GALNT9: variants seen among roughly 807,000 people sequenced by gnomAD.
The protein encoded by GALNT9 is polypeptide N-acetylgalactosaminyltransferase 9.
GALNT9 carries 47 observed loss-of-function variants against 63.1 expected under a neutral mutation model. The observed-to-expected ratio is 0.75, with a 90% CI of 0.59 to 0.95. The LOEUF (loss-of-function observed/expected upper bound fraction) is 0.95. Among genes scored for constraint, GALNT9 ranks in the 40% least tolerant of loss-of-function variants. GALNT9 has a pLI of 0.00. For missense variants in GALNT9, 829 were observed against 874.8 expected, an observed-to-expected ratio of 0.95 and a Z score of 0.66; for synonymous variants, 396 against 365.7, an observed-to-expected ratio of 1.08 and a Z score of -0.94.
chr12:132,223,135 CCA>C (rs1167262466), intron 6 of GALNT9, among the ~76,000 whole-genome samples: 39 of 92,294 alleles, frequency 4.2e-4, no homozygotes, highest in Non-Finnish European at 6.7e-4. Flanking sequence ...CACACACACC[CCA>C]CACACACACC....
chr12:132,248,817 G>A (rs1239610639), intron 5 of GALNT9, among the ~76,000 whole-genome samples: 1 of 152,218 alleles, frequency 6.6e-6, no homozygotes, highest in Non-Finnish European at 1.5e-5. Context: ...TGGTATGCTA[G>A]TTATATTTTT....
At chr12:132,257,937 TGAG>T in intron 4 of GALNT9, 51 bp from the exon 5 acceptor site, 1 of 1,296,402 alleles carries the variant, frequency 7.7e-7, no homozygotes, top group Non-Finnish European at 1.1e-6. Flanking sequence ...CCGCATTCCC[TGAG>T]GAGGGTCCAC....
At chr12:132,311,224 C>G (rs1555245143) in intron 1 of GALNT9, among the ~76,000 whole-genome samples, 1 of 152,156 alleles carries the variant, frequency 6.6e-6, no homozygotes, top group East Asian at 1.9e-4. Flanking sequence ...AATACTGTGA[C>G]TTTGACATTT....
At chr12:132,270,014 T>C (rs1249433344) in intron 2 of GALNT9, among the ~76,000 whole-genome samples, 2 of 152,252 alleles carry the variant, frequency 1.3e-5, no homozygotes, top group African/African-American at 2.4e-5. Context: ...AGCCACGCTC[T>C]GGAAGAAACT....
chr12:132,201,110 G>A lies in GALNT9; in HGVS notation c.1401+14C>T, dbSNP rs549406119. The A allele has an allele frequency of 1.4e-5, 23 of 1,610,510 alleles. No individual in the cohort carries two copies. The highest frequency in any genetic ancestry group is 4.0e-5 in the African/African-American group (3 of 74,818). On this transcript the variant is annotated intron_variant, in intron 8 of 10. Coordinates refer to ENST00000328957, the MANE Select transcript of GALNT9 (RefSeq NM_001122636.2). Reference sequence around the variant, plus strand: ...GCCTGTCGGGCCGAACGGGGCCCTCGGGGGAGGTGCTACCTCTCCGTACGT... The same window carrying A: ...GCCTGTCGGGCCGAACGGGGCCCTCAGGGGAGGTGCTACCTCTCCGTACGT...
At chr12:132,324,519 A>T (rs1555246375) in intron 1 of GALNT9, among the ~76,000 whole-genome samples, 1 of 152,170 alleles carries the variant, frequency 6.6e-6, no homozygotes, top group African/African-American at 2.4e-5. Context: ...GGATGGGACT[A>T]AGGCAGTGTG....
intron 6 of GALNT9, among the ~76,000 whole-genome samples, chr12:132,218,919 G>A (rs1877325916): frequency 6.6e-6 from 1 of 152,132 alleles, no homozygotes; most frequent in African/African-American, 2.4e-5. Context: ...TTCTCAAAGT[G>A]ACCCAGTAGC....
chr12:132,243,832 A>G (rs1355519313), intron 6 of GALNT9, among the ~76,000 whole-genome samples: 2 of 152,098 alleles, frequency 1.3e-5, no homozygotes, highest in African/African-American at 4.8e-5. Context: ...CCACCCGTCA[A>G]TCACCCATCA....
At chr12:132,267,809 ACACG>A (rs1394821399) in intron 2 of GALNT9, among the ~76,000 whole-genome samples, 3 of 149,532 alleles carry the variant, frequency 2.0e-5, no homozygotes, top group African/African-American at 7.6e-5. Flanking sequence ...ACGCACTCAC[ACACG>A]CACTCACACA....
Position 132,240,959 on chromosome 12 carries a change from C to T in GALNT9, c.1077+6951G>A, listed in dbSNP as rs2136900292. Among the ~76,000 whole-genome samples, 5 of 108,318 alleles carry T rather than the reference C, an allele frequency of 4.6e-5. No homozygotes were observed. In the Admixed American group the frequency reaches 4.7e-4, roughly 10 times the overall value. 71.1% of individuals were successfully genotyped at this position (108,318 alleles called of 152,430 possible). ...CACGCCACACCCCCTTCCCGGGGCC[C>T]TCCCTATACCCATTACACACACGCC... On this transcript the variant is annotated intron_variant, in intron 6 of 10. Coordinates refer to ENST00000328957, the MANE Select transcript of GALNT9 (RefSeq NM_001122636.2).
rs556053933 is a variant in GALNT9 at position 132,252,492 on chromosome 12, G to A, written c.960-4465C>T. On this transcript the variant is annotated intron_variant, in intron 5 of 10. Coordinates refer to ENST00000328957, the MANE Select transcript of GALNT9 (RefSeq NM_001122636.2). The surrounding 1 kb of genome is among the most constrained non-coding windows in gnomAD (Gnocchi z 5.2). Reference sequence around the variant, plus strand: ...ACAGGGCTTAGCGGGTGTTCTCCCCGTGTGCAGAGACAAGAGATTGTCAGA... The same window carrying A: ...ACAGGGCTTAGCGGGTGTTCTCCCCATGTGCAGAGACAAGAGATTGTCAGA... Among the ~76,000 whole-genome samples, 9 of 152,322 alleles carry A rather than the reference G, an allele frequency of 5.9e-5. No homozygotes were observed. In the East Asian group the frequency reaches 1.4e-3, roughly 23 times the overall value.
At position 132,315,863 on chromosome 12, in the gene GALNT9, C is replaced by A. The variant is rs1424522256; in HGVS notation, c.238+13103G>T. Among the ~76,000 whole-genome samples, 1 of 152,224 alleles carries A rather than the reference C, an allele frequency of 6.6e-6. No individual in the cohort carries two copies. The highest frequency in any genetic ancestry group is 1.5e-5 in the Non-Finnish European group (1 of 68,042). On this transcript the variant is annotated intron_variant, in intron 1 of 10. Transcript: ENST00000328957. This position sits in a 1 kb window ranked among gnomAD's most constrained non-coding sequence, Gnocchi z 6.1. ...AGGGGAAGACCCCTCTATGCTGGGG[C>A]TGCAATAAACCCCTGTGCTGGGCCC...
At chr12:132,204,359 G>T (rs541116941) in intron 6 of GALNT9, among the ~76,000 whole-genome samples, 2 of 152,106 alleles carry the variant, frequency 1.3e-5, no homozygotes, top group Non-Finnish European at 2.9e-5. Context: ...TTGGTTTTGT[G>T]TCAGCGTGGC....
rs1301556901 is a variant in GALNT9, at chr12:132,279,015, A to G, written c.419+7235T>C. The G allele has an allele frequency of 2.6e-5, 4 of 152,026 alleles. No individual in the cohort carries two copies. Among genetic ancestry groups the G allele is most frequent in the Non-Finnish European group, 5.9e-5 (4 of 68,068 alleles). The allele number at this position is 152,026 out of a possible 1,614,324, so 9.4% of individuals were successfully genotyped here. Reference sequence around the variant, plus strand: ...CCCATCCCAACAGGACTCAGCCTCCAGTGGCTACCATCAGACCCCACGGCA... The same window carrying G: ...CCCATCCCAACAGGACTCAGCCTCCGGTGGCTACCATCAGACCCCACGGCA... On this transcript the variant is annotated intron_variant, in intron 2 of 10. Transcript: ENST00000328957. This position sits in a 1 kb window ranked among gnomAD's most constrained non-coding sequence, Gnocchi z 4.1.
chr12:132,203,453 T>TTGACCCCGACCCTGGGGCA lies in GALNT9; in HGVS notation c.1263+33_1263+51dup, dbSNP rs1182817296. The stretch of plus-strand genomic sequence containing the variant: ...CCTCCGGCCCAGCCCTGCCGTGGCA[T>TTGACCCCGACCCTGGGGCA]TGACCCCGACCCTGGGGCATGGCCC... On this transcript the variant is annotated intron_variant, in intron 7 of 10. Transcript: ENST00000328957. 1.9e-6 allele frequency: 3 copies of TTGACCCCGACCCTGGGGCA among 1,585,832 alleles called. No individual in the cohort carries two copies. In the East Asian group the frequency reaches 6.7e-5, roughly 36 times the overall value.
At chr12:132,321,546 C>G (rs1243051187) in intron 1 of GALNT9, among the ~76,000 whole-genome samples, 1 of 152,198 alleles carries the variant, frequency 6.6e-6, no homozygotes, top group Non-Finnish European at 1.5e-5. Flanking sequence ...GTCCTGGCAG[C>G]CCCCTGCCCT....
intron 1 of GALNT9, 25 bp downstream of exon 1, chr12:132,328,941 A>C: frequency 1.3e-6 from 2 of 1,496,952 alleles, no homozygotes; most frequent in Non-Finnish European, 1.8e-6. Flanking sequence ...GGCTGCCCCC[A>C]CTCCGCCCCG....
intron 6 of GALNT9, chr12:132,240,874 T>C (rs1437712056): frequency 5.3e-6 from 2 of 375,234 alleles, no homozygotes; most frequent in Non-Finnish European, 1.1e-5. Flanking sequence ...GGGCCGTCCC[T>C]ATACCCATTA....
At position 132,238,468 on chromosome 12, in the gene GALNT9, T is replaced by G. The variant is rs1555236525; in HGVS notation, c.1077+9442A>C. On this transcript the variant is annotated intron_variant, in intron 6 of 10. Transcript: ENST00000328957. This position sits in a 1 kb window ranked among gnomAD's most constrained non-coding sequence, Gnocchi z 6.5. ...GCAGGGGCGACATGGTGTCAAGGTC[T>G]CCTGGACATTGTGCCACTGCTGGTG... 6.6e-6 allele frequency among the ~76,000 whole-genome samples: 1 copy of G among 152,166 alleles called. No individual in the cohort carries two copies.
Sources: allele counts gnomAD v4.1 joint callset (sites outside exome capture counted in the v4.1 genomes callset), GRCh38; gene constraint gnomAD v4.1.1; non-coding constraint Gnocchi (gnomAD v3.1); transcripts MANE v1.5; gene names NCBI Gene and HGNC (gene_info 2026-07-23, HGNC 2026-07-21).